SOD2: variants seen among roughly 807,000 people sequenced by gnomAD.
SOD2 encodes superoxide dismutase [Mn], mitochondrial.
Under a neutral mutation model 27.0 loss-of-function variants are expected in SOD2, and 11 were observed. The ratio of observed to expected loss-of-function variants is 0.41; its 90% CI spans 0.26 to 0.67. SOD2 has a LOEUF of 0.67. Ranked by LOEUF, SOD2 falls within the 30% of genes least tolerant of loss-of-function variation. The pLI, the probability that SOD2 is intolerant of heterozygous loss-of-function variation, is 0.34. For missense variants in SOD2, 250 were observed against 274.5 expected (o/e 0.91, Z 0.63); for synonymous variants, 105 against 103.0 (o/e 1.02, Z -0.12).
chr6:159,706,834 C>T (rs923287190), intron 1 of SOD2, among the ~76,000 whole-genome samples: 24 of 152,174 alleles, frequency 1.6e-4, no homozygotes, highest in Admixed American at 5.2e-4. Context: ...AGCACCACAT[C>T]GCACCTATTC....
At chr6:159,701,569 CAAAA>C (rs752905908) in intron 1 of SOD2, among the ~76,000 whole-genome samples, 3 of 78,036 alleles carry the variant, frequency 3.8e-5, no homozygotes, top group Non-Finnish European at 5.2e-5. Flanking sequence ...GACCCTGTTT[CAAAA>C]AAAAAAAAAA....
At chr6:159,734,526 C>G (rs530680067) in intron 1 of SOD2, among the ~76,000 whole-genome samples, 272 of 152,050 alleles carry the variant, frequency 1.8e-3, no homozygotes, top group Non-Finnish European at 3.0e-3. Flanking sequence ...GAAATAATAA[C>G]TAGGGCTGGG....
intron 1 of SOD2, chr6:159,726,750 C>T (rs1778187078): frequency 7.8e-7 from 1 of 1,282,506 alleles, no homozygotes; most frequent in African/African-American, 1.5e-5. Flanking sequence ...CTCCTCGATG[C>T]GTCTCCAGAG....
Position 159,739,824 on chromosome 6 carries a change from C to CTT in SOD2, c.-116+5304_-116+5305dup, listed in dbSNP as rs56389349. Among the ~76,000 whole-genome samples, 488 of 85,160 alleles carry CTT rather than the reference C, an allele frequency of 5.7e-3. 4 individuals carry two copies. The highest frequency in any genetic ancestry group is 7.9e-3 in the Non-Finnish European group (365 of 45,940). 55.9% of individuals were successfully genotyped at this position (85,160 alleles called of 152,430 possible). A position where few individuals can be genotyped will look rare whatever the true frequency, so the allele number is the denominator to read the frequency against. On this transcript the variant is annotated intron_variant, in intron 1 of 3. Coordinates refer to the SOD2 transcript ENST00000537657. Reference sequence around the variant, plus strand: ...ACTGTATTATGAACACACTTTTTACCTTTTTTTTTTTTTTTTTTTTTTTTT... The same window carrying CTT: ...ACTGTATTATGAACACACTTTTTACCTTTTTTTTTTTTTTTTTTTTTTTTTTT...
Position 159,692,648 on chromosome 6 carries a change from G to A in SOD2, c.226+13C>T. ...GCCGGGGACTGCCTCCCGCCGCTCA[G>A]CCTGGAACCTACCCTTGGCCAACGC... On this transcript the variant is annotated intron_variant, in intron 2 of 4. Transcript: ENST00000538183. The A allele has an allele frequency of 1.2e-6, 2 of 1,613,556 alleles. No homozygotes were observed. The highest frequency in any genetic ancestry group is 8.5e-7 in the Non-Finnish European group (1 of 1,179,792).
intron 1 of SOD2, 25 bp from the exon 2 acceptor site, chr6:159,692,888 G>C (rs2114794800): frequency 6.4e-7 from 1 of 1,558,898 alleles, no homozygotes; most frequent in East Asian, 2.3e-5. Context: ...GCACAGCCCG[G>C]TCAGTCAGCG....
intron 1 of SOD2, chr6:159,753,691 T>C (rs185326721): frequency 1.3e-5 from 19 of 1,498,822 alleles, no homozygotes; most frequent in African/African-American, 5.6e-5. Context: ...ATGAATATTA[T>C]AGGTTAGATT....
chr6:159,701,940 G>A (rs916848156), intron 1 of SOD2, among the ~76,000 whole-genome samples: 1 of 152,144 alleles, frequency 6.6e-6, no homozygotes, highest in Non-Finnish European at 1.5e-5. Context: ...GTTAGAAAGT[G>A]CTATACACAG....
At chr6:159,748,577 C>T (rs1779704567), upstream of SOD2, 1 of 1,363,498 alleles carries the variant, frequency 7.3e-7, no homozygotes. This position sits in a 1 kb window ranked among gnomAD's most constrained non-coding sequence, Gnocchi z 5.6. Context: ...TTTTCCCCTT[C>T]CCCTTGCTTC....
At position 159,680,995 on chromosome 6, in the gene SOD2, C is replaced by T. The variant is rs967166781; in HGVS notation, c.*1498G>A. On this transcript the variant is annotated 3_prime_UTR_variant, in exon 5 of 5. Coordinates refer to ENST00000538183, the MANE Select transcript of SOD2 (RefSeq NM_000636.4). The stretch of plus-strand genomic sequence containing the variant: ...AGAAAATATTCCAATAGGAGATAAA[C>T]CTATGTACACAGAGTTGCTCACCCC... 3 of 149,474 alleles carry T rather than the reference C, an allele frequency of 2.0e-5. No individual in the cohort carries two copies. Among genetic ancestry groups the T allele is most frequent in the African/African-American group, 7.3e-5 (3 of 40,852 alleles). 9.3% of individuals were successfully genotyped at this position (149,474 alleles called of 1,614,324 possible).
chr6:159,755,098 G>T (rs369846196), intron 1 of SOD2: 1 of 1,614,188 alleles, frequency 6.2e-7, no homozygotes, highest in Non-Finnish European at 8.5e-7. Flanking sequence ...TAGTTCTGCA[G>T]CAGCAGCTGA....
chr6:159,729,383 A>C (rs1381787357), upstream of SOD2, among the ~76,000 whole-genome samples: 1 of 152,246 alleles, frequency 6.6e-6, no homozygotes, highest in Non-Finnish European at 1.5e-5. Flanking sequence ...AGCTTAACAC[A>C]GAAAAACTTT....
chr6:159,742,060 A>G, intron 1 of SOD2: 1 of 1,512,694 alleles, frequency 6.6e-7, no homozygotes, highest in Non-Finnish European at 9.1e-7. Flanking sequence ...TTATCGTAAC[A>G]ACTAATGTAT....
intron 1 of SOD2, among the ~76,000 whole-genome samples, chr6:159,718,886 GA>G (rs1278278017): frequency 6.6e-6 from 1 of 152,208 alleles, no homozygotes; most frequent in African/African-American, 2.4e-5. Flanking sequence ...GAAACAGCAT[GA>G]CATGGTCATA....
At chr6:159,685,515 T>C (rs1780148743) in intron 3 of SOD2, among the ~76,000 whole-genome samples, 1 of 152,184 alleles carries the variant, frequency 6.6e-6, no homozygotes, top group Admixed American at 6.5e-5. Context: ...GTGCTGGGAA[T>C]ACAGGCGTGA....
intron 1 of SOD2, among the ~76,000 whole-genome samples, chr6:159,701,873 C>CA (rs1320936391): frequency 6.6e-6 from 1 of 152,156 alleles, no homozygotes; most frequent in African/African-American, 2.4e-5. Context: ...AACCTGTGCT[C>CA]ATTCCCCTTC....
chr6:159,713,739 A>T, intron 1 of SOD2: 3 of 926,308 alleles, frequency 3.2e-6, no homozygotes, highest in Admixed American at 1.7e-5. Context: ...ATTAGACTTG[A>T]ATACTTCAAC....
upstream of SOD2, among the ~76,000 whole-genome samples, chr6:159,731,664 T>C (rs376404316): frequency 4.5e-4 from 69 of 152,268 alleles, no homozygotes; most frequent in African/African-American, 1.6e-3. Flanking sequence ...GAAGAAACTA[T>C]TAATTAAATG....
intron 1 of SOD2, chr6:159,726,951 G>A (rs776553802): frequency 2.3e-6 from 3 of 1,287,642 alleles, no homozygotes; most frequent in African/African-American, 1.5e-5. Context: ...CATCACGGAT[G>A]AGCGTCACGA....
Sources: gnomAD v4.1 joint callset for allele counts (sites outside exome capture counted in the v4.1 genomes callset) on GRCh38, gnomAD v4.1.1 for gene constraint, Gnocchi (gnomAD v3.1) non-coding constraint, MANE v1.5 for transcripts, NCBI Gene and HGNC (gene_info 2026-07-23, HGNC 2026-07-21) for gene names.